The following UBE2R2 variants were observed in gnomAD, a reference collection of about 807,000 sequenced individuals.
The protein encoded by UBE2R2 is ubiquitin-conjugating enzyme E2 R2.
A neutral mutation model predicts 27.8 loss-of-function variants in UBE2R2; 1 was observed. The ratio of observed to expected loss-of-function variants is 0.04; its 90% confidence interval spans 0.01 to 0.17. The LOEUF (loss-of-function observed/expected upper bound fraction) is 0.17. UBE2R2 is among the 10% of genes least tolerant of loss of function. The pLI is 1.00. For synonymous variants in UBE2R2, 106 were observed against 113.3 expected (o/e 0.94, Z 0.41); for missense variants, 100 against 291.0 (o/e 0.34, Z 4.78).
chr9:33,909,698 C>A (rs141352108), intron 3 of UBE2R2, among the ~76,000 whole-genome samples: 155 of 152,070 alleles, frequency 1.0e-3, no homozygotes, highest in Non-Finnish European at 1.8e-3. Flanking sequence ...GCATTACAGG[C>A]GTGAGCCACC....
intron 1 of UBE2R2, among the ~76,000 whole-genome samples, chr9:33,854,942 G>C (rs1215785932): frequency 1.3e-5 from 2 of 151,758 alleles, no homozygotes; most frequent in African/African-American, 4.8e-5. Context: ...GAACTCCTGG[G>C]CTCAAGTGAT....
In UBE2R2 at chr9:33,911,961, T is replaced by C; in HGVS notation, c.363-3T>C. Reference sequence around the variant, plus strand: ...ATAGCTGATCCTTTTTTCCTGTTTCTAGGACTATCCTATTAAGTGTAATCT... The same window carrying C: ...ATAGCTGATCCTTTTTTCCTGTTTCCAGGACTATCCTATTAAGTGTAATCT... On this transcript the variant is annotated splice_region_variant and splice_polypyrimidine_tract_variant and intron_variant, in intron 3 of 4. Transcript: ENST00000263228. 1 of 1,610,562 alleles carries C rather than the reference T, an allele frequency of 6.2e-7. No individual in the cohort carries two copies. Among genetic ancestry groups the C allele is most frequent in the South Asian group, 1.1e-5 (1 of 89,450 alleles).
chr9:33,880,288 T>G (rs1456186169), intron 1 of UBE2R2, among the ~76,000 whole-genome samples: 1 of 152,212 alleles, frequency 6.6e-6, no homozygotes, highest in Non-Finnish European at 1.5e-5. Context: ...TATTTGAGTA[T>G]TGCTTTAGGT....
At chr9:33,876,788 C>T (rs1821612377) in intron 1 of UBE2R2, among the ~76,000 whole-genome samples, 1 of 151,930 alleles carries the variant, frequency 6.6e-6, no homozygotes, top group South Asian at 2.1e-4. Context: ...TGGTGGAGGG[C>T]GCCTCTAGTC....
chr9:33,882,656 C>T (rs1023914302), intron 1 of UBE2R2, among the ~76,000 whole-genome samples: 3 of 152,108 alleles, frequency 2.0e-5, no homozygotes, highest in Non-Finnish European at 4.4e-5. Context: ...TCCCCCTAAT[C>T]AGCTTTATTG....
chr9:33,839,047 A>T (rs1282779319), intron 1 of UBE2R2, among the ~76,000 whole-genome samples: 3 of 148,508 alleles, frequency 2.0e-5, no homozygotes. Context: ...GAGGCACTGT[A>T]CTCCAACCTA....
intron 1 of UBE2R2, among the ~76,000 whole-genome samples, chr9:33,849,319 G>T (rs1820913265): frequency 6.6e-6 from 1 of 152,168 alleles, no homozygotes; most frequent in Non-Finnish European, 1.5e-5. Flanking sequence ...GCTCTGTGCT[G>T]AGTAGGGAAA....
At chr9:33,835,118 T>C (rs938432214) in intron 1 of UBE2R2, among the ~76,000 whole-genome samples, 17 of 150,758 alleles carry the variant, frequency 1.1e-4, no homozygotes, top group South Asian at 4.2e-4. Context: ...TATCTTTTCA[T>C]GAGAGAACAT....
chr9:33,895,771 T>A (rs1587475161), intron 2 of UBE2R2, among the ~76,000 whole-genome samples: 1 of 138,746 alleles, frequency 7.2e-6, no homozygotes, highest in East Asian at 2.1e-4. Flanking sequence ...TCTCTCTCTT[T>A]TTTTTTTTTT....
intron 1 of UBE2R2, among the ~76,000 whole-genome samples, chr9:33,853,224 CAAAA>C (rs71506142): frequency 1.8e-5 from 2 of 108,182 alleles, no homozygotes. Context: ...CCCTCTGTCT[CAAAA>C]AAAAAAAAAA....
At chr9:33,896,376 G>A (rs1414690038) in intron 2 of UBE2R2, among the ~76,000 whole-genome samples, 2 of 151,898 alleles carry the variant, frequency 1.3e-5, no homozygotes, top group Non-Finnish European at 2.9e-5. Flanking sequence ...TCAAGCTCCC[G>A]ATCTTAGGAG....
At chr9:33,913,851 A>G (rs189040240) in intron 4 of UBE2R2, among the ~76,000 whole-genome samples, 2 of 152,284 alleles carry the variant, frequency 1.3e-5, no homozygotes, top group African/African-American at 4.8e-5. Context: ...ACAAGGACAG[A>G]GTTTGGGCAT....
At chr9:33,836,766 A>ATAT (rs1448681742) in intron 1 of UBE2R2, among the ~76,000 whole-genome samples, 1 of 140,670 alleles carries the variant, frequency 7.1e-6, no homozygotes, top group African/African-American at 2.9e-5. Context: ...TCAAAAAAAA[A>ATAT]AAATATATAT....
At chr9:33,897,752 A>G (rs1587476861) in intron 2 of UBE2R2, among the ~76,000 whole-genome samples, 1 of 148,348 alleles carries the variant, frequency 6.7e-6, no homozygotes, top group Admixed American at 6.7e-5. Context: ...GCCCAAATAT[A>G]CCAAGTTTCT....
chr9:33,859,799 T>TGAGAGAGA (rs376101396), intron 1 of UBE2R2, among the ~76,000 whole-genome samples: 4 of 86,520 alleles, frequency 4.6e-5, no homozygotes, highest in African/African-American at 1.8e-4. Flanking sequence ...TGTGTGTGTG[T>TGAGAGAGA]GAGAGAGAGA....
At chr9:33,826,462 G>T (rs1184838186) in intron 1 of UBE2R2, among the ~76,000 whole-genome samples, 1 of 152,154 alleles carries the variant, frequency 6.6e-6, no homozygotes, top group African/African-American at 2.4e-5. Context: ...ACTTTGGGAG[G>T]CCGAGGCAGG....
chr9:33,910,451 T>A (rs1201203583), intron 3 of UBE2R2, among the ~76,000 whole-genome samples: 1 of 152,122 alleles, frequency 6.6e-6, no homozygotes, highest in African/African-American at 2.4e-5. Context: ...CTGGCCCCTA[T>A]TATGCTTTCT....
At chr9:33,827,652 T>A (rs891477480) in intron 1 of UBE2R2, among the ~76,000 whole-genome samples, 25 of 149,076 alleles carry the variant, frequency 1.7e-4, no homozygotes, top group African/African-American at 4.9e-4. Flanking sequence ...AAAAAAAAAA[T>A]TAATTAATTA....
chr9:33,832,472 C>G (rs1278885091), intron 1 of UBE2R2, among the ~76,000 whole-genome samples: 1 of 151,786 alleles, frequency 6.6e-6, no homozygotes, highest in Non-Finnish European at 1.5e-5. Flanking sequence ...CTGGCTAACA[C>G]GGTGAAACCC....
Sources: gnomAD v4.1 joint callset for allele counts (sites outside exome capture counted in the v4.1 genomes callset) on GRCh38, gnomAD v4.1.1 for gene constraint, MANE v1.5 for transcripts, NCBI Gene and HGNC (gene_info 2026-07-23, HGNC 2026-07-21) for gene names.